NOL10: variants seen among roughly 807,000 people sequenced by gnomAD.
NOL10 encodes the protein nucleolar protein 10.
Under a neutral mutation model 103.5 loss-of-function variants are expected in NOL10, and 58 were observed. The ratio of observed to expected loss-of-function variants is 0.56; its 90% CI spans 0.45 to 0.70. NOL10 has a LOEUF of 0.70. NOL10 is among the 30% of genes least tolerant of loss of function. The pLI, the probability that NOL10 is intolerant of heterozygous loss-of-function variation, is 0.00. For missense variants in NOL10, 763 were observed against 807.3 expected (o/e 0.95, Z 0.67); for synonymous variants, 287 against 282.5 (o/e 1.02, Z -0.16).
chr2:10,613,098 G>A (rs986977381), intron 13 of NOL10, among the ~76,000 whole-genome samples: 7 of 151,538 alleles, frequency 4.6e-5, no homozygotes, highest in Admixed American at 1.3e-4. Flanking sequence ...TTTAATTTCA[G>A]GAATAAAACT....
chr2:10,621,814 C>T (rs1369654207), intron 13 of NOL10, among the ~76,000 whole-genome samples: 1 of 152,066 alleles, frequency 6.6e-6, no homozygotes, highest in Non-Finnish European at 1.5e-5. Context: ...TACAGAAGTT[C>T]AACATCAAAG....
intron 19 of NOL10, among the ~76,000 whole-genome samples, chr2:10,585,906 T>C (rs1254240091): frequency 6.6e-6 from 1 of 152,166 alleles, no homozygotes; most frequent in Non-Finnish European, 1.5e-5. Context: ...CCCATATTGG[T>C]TGAATTTATG....
intron 19 of NOL10, among the ~76,000 whole-genome samples, chr2:10,586,005 A>G (rs1675004308): frequency 6.6e-6 from 1 of 152,228 alleles, no homozygotes; most frequent in Admixed American, 6.5e-5. Flanking sequence ...TAAGGGAAAG[A>G]GGCCAGCCAC....
At chr2:10,682,691 C>T (rs1022155738) in intron 2 of NOL10, among the ~76,000 whole-genome samples, 17 of 152,092 alleles carry the variant, frequency 1.1e-4, no homozygotes, top group African/African-American at 4.1e-4. Context: ...TGAGCCACCG[C>T]ACTGGGCCCC....
intron 9 of NOL10, among the ~76,000 whole-genome samples, chr2:10,662,165 T>C (rs1436692213): frequency 1.3e-5 from 2 of 152,186 alleles, no homozygotes; most frequent in South Asian, 2.1e-4. Flanking sequence ...ATAAATACAA[T>C]AACAGTGCCT....
intron 8 of NOL10, among the ~76,000 whole-genome samples, chr2:10,665,879 T>A (rs1193778120): frequency 1.3e-5 from 2 of 152,344 alleles, no homozygotes; most frequent in East Asian, 1.9e-4. Flanking sequence ...AATCTTTTTT[T>A]AAAATACAAC....
intron 13 of NOL10, among the ~76,000 whole-genome samples, chr2:10,627,236 C>T (rs958901750): frequency 2.0e-5 from 3 of 152,190 alleles, no homozygotes; most frequent in African/African-American, 7.2e-5. Context: ...AACAGAACTC[C>T]ACACTTTTTC....
intron 13 of NOL10, among the ~76,000 whole-genome samples, chr2:10,608,571 A>T (rs1372275466): frequency 6.6e-6 from 1 of 152,208 alleles, no homozygotes; most frequent in African/African-American, 2.4e-5. Flanking sequence ...GTGACGACTT[A>T]ACCTGTTTAT....
chr2:10,589,231 A>T lies in NOL10; in HGVS notation c.1656T>A (p.Asp552Glu). The change falls in exon 19 of 21, where the codon GAT (aspartate) becomes GAA (glutamate). Residue 552 changes from aspartate to glutamate, a missense_variant. Coordinates refer to ENST00000381685, the MANE Select transcript of NOL10 (RefSeq NM_024894.4). ...PSDAESSESS[D>E]DEKAWVEEVR... ...CCTCTTCAACCCAGGCTTTTTCATC[A>T]TCTGAACTCTCCGAACTTTCTGCAT... 5 of 1,613,814 alleles carry T rather than the reference A, an allele frequency of 3.1e-6. No individual in the cohort carries two copies. Among genetic ancestry groups the T allele is most frequent in the Non-Finnish European group, 4.2e-6 (5 of 1,179,864 alleles).
rs1283265091 is a variant in NOL10 at position 10,648,789 on chromosome 2, G to C, written c.974-4417C>G. ...ACGAGAAAAAAAAATCACATAAATC[G>C]AGGATGAAGGATATTCTGAGACCAC... On this transcript the variant is annotated intron_variant, in intron 12 of 20. Transcript: ENST00000381685. Among the ~76,000 whole-genome samples, 3 of 151,996 alleles carry C rather than the reference G, an allele frequency of 2.0e-5. No homozygotes were observed. In the South Asian group the frequency reaches 6.2e-4, roughly 32 times the overall value.
chr2:10,669,189 G>T (rs1680749827), intron 6 of NOL10, among the ~76,000 whole-genome samples: 1 of 151,306 alleles, frequency 6.6e-6, no homozygotes, highest in East Asian at 2.0e-4. Context: ...CACTACACCC[G>T]GCTAATTTTT....
At chr2:10,656,352 G>C (rs1364889551) in intron 11 of NOL10, among the ~76,000 whole-genome samples, 1 of 152,134 alleles carries the variant, frequency 6.6e-6, no homozygotes, top group African/African-American at 2.4e-5. Flanking sequence ...AGACAGCATA[G>C]ACACTTCCTG....
intron 6 of NOL10, among the ~76,000 whole-genome samples, chr2:10,669,051 C>T (rs549664388): frequency 4.6e-5 from 7 of 151,796 alleles, no homozygotes; most frequent in African/African-American, 1.4e-4. Context: ...TAATAAGGAT[C>T]CTCTCTGGGT....
chr2:10,590,465 A>G (rs1175312994), intron 17 of NOL10, among the ~76,000 whole-genome samples: 1 of 152,222 alleles, frequency 6.6e-6, no homozygotes, highest in African/African-American at 2.4e-5. Context: ...TTTCAACTTC[A>G]GATTCCAAAA....
Position 10,679,594 on chromosome 2 carries a change from TCTCTCCTTC to T in NOL10, c.211+2368_211+2376del, listed in dbSNP as rs532213671. 8.7e-3 allele frequency among the ~76,000 whole-genome samples: 1,313 copies of T among 151,362 alleles called. 11 individuals carry two copies. Among genetic ancestry groups the T allele is most frequent in the African/African-American group, 0.016 (674 of 41,510 alleles). ...TTTTCTTTCTTTCCTTTTTCTTTCC[TCTCTCCTTC>T]CTCTCTTTCTCTCTCTTTCTCTCTC... On this transcript the variant is annotated intron_variant, in intron 3 of 20. Transcript: ENST00000381685.
chr2:10,572,297 G>A (rs749235305), intron 20 of NOL10, 107 bp from the exon 21 acceptor site: 18 of 1,235,474 alleles, frequency 1.5e-5, no homozygotes, highest in Non-Finnish European at 1.8e-5. Context: ...CAGAACTGCT[G>A]CCAGGAGAAA....
Position 10,684,208 on chromosome 2 carries a change from G to A in NOL10, c.112+359C>T, listed in dbSNP as rs1397033099. Among the ~76,000 whole-genome samples, 10 of 151,978 alleles carry A rather than the reference G, an allele frequency of 6.6e-5. 1 individual carries two copies. The South Asian group carries it at 1.0e-3, about 16-fold the overall frequency. On this transcript the variant is annotated intron_variant, in intron 2 of 20. Coordinates refer to ENST00000381685, the MANE Select transcript of NOL10 (RefSeq NM_024894.4). ...GGAGAACTGCTTGAATCCAGGAGGT[G>A]GAGGTTGCAGTGAGCCGAGGTCACA...
In NOL10 at chr2:10,688,399, C is replaced by T. The variant is rs78116337; in HGVS notation, c.66+1397G>A. On this transcript the variant is annotated intron_variant, in intron 1 of 20. Coordinates refer to ENST00000381685, the MANE Select transcript of NOL10 (RefSeq NM_024894.4). Reference sequence around the variant, plus strand: ...GCCCCCTCACTCAGCATAGTGCAATCACACCTGTGCCTCTTCCGTCCTCCT... The same window carrying T: ...GCCCCCTCACTCAGCATAGTGCAATTACACCTGTGCCTCTTCCGTCCTCCT... Among the ~76,000 whole-genome samples the T allele has an allele frequency of 2.8e-3, 423 of 152,310 alleles. 1 individual carries two copies. The highest frequency in any genetic ancestry group is 4.5e-3 in the Non-Finnish European group (304 of 68,024).
At chr2:10,673,033 A>ACAGTTC (rs1681054421) in intron 5 of NOL10, among the ~76,000 whole-genome samples, 1 of 152,182 alleles carries the variant, frequency 6.6e-6, no homozygotes, top group African/African-American at 2.4e-5. Context: ...TGGCACCAAA[A>ACAGTTC]AAGAGAAATA....
Sources: gnomAD v4.1 joint callset for allele counts (sites outside exome capture counted in the v4.1 genomes callset) on GRCh38, gnomAD v4.1.1 for gene constraint, MANE v1.5 for transcripts, NCBI Gene and HGNC (gene_info 2026-07-23, HGNC 2026-07-21) for gene names.